Variants in CCDC192 observed in about 807,000 individuals in gnomAD.
CCDC192 encodes the protein coiled-coil domain containing 192.
At chr5:127,727,655 C>T (rs1487132254) in intron 2 of CCDC192, among the ~76,000 whole-genome samples, 2 of 152,142 alleles carry the variant, frequency 1.3e-5, no homozygotes, top group African/African-American at 4.8e-5. Flanking sequence ...ATCACAACAC[C>T]TCTCCAGCAA....
At chr5:127,804,871 G>A (rs913987139) in intron 5 of CCDC192, among the ~76,000 whole-genome samples, 5 of 152,164 alleles carry the variant, frequency 3.3e-5, no homozygotes, top group African/African-American at 7.2e-5. Flanking sequence ...AGCACTTCCA[G>A]CATAGACCCT....
At chr5:127,804,850 G>T (rs1030050053) in intron 5 of CCDC192, among the ~76,000 whole-genome samples, 1 of 152,166 alleles carries the variant, frequency 6.6e-6, no homozygotes, top group Non-Finnish European at 1.5e-5. Context: ...GCACTGTCCA[G>T]TGAAGCCCCT....
At chr5:127,768,714 G>A (rs1421573195) in intron 3 of CCDC192, among the ~76,000 whole-genome samples, 1 of 152,158 alleles carries the variant, frequency 6.6e-6, no homozygotes, top group East Asian at 1.9e-4. Flanking sequence ...AAGCCAAAAC[G>A]TATTAATAAA....
intron 6 of CCDC192, among the ~76,000 whole-genome samples, chr5:127,912,463 T>G (rs1396328881): frequency 1.3e-5 from 2 of 149,170 alleles, no homozygotes; most frequent in Non-Finnish European, 3.0e-5. Flanking sequence ...TTACACTTCT[T>G]TTTTTAACTG....
intron 2 of CCDC192, among the ~76,000 whole-genome samples, chr5:127,712,540 A>G (rs1337376793): frequency 6.6e-6 from 1 of 152,204 alleles, no homozygotes; most frequent in Non-Finnish European, 1.5e-5. Flanking sequence ...TGCTGACACC[A>G]TGCTTCTTGT....
In CCDC192 at chr5:127,878,123, G is replaced by A. The variant is rs1752155115; in HGVS notation, c.535+2462G>A. Reference sequence around the variant, plus strand: ...TCTGCATTGAGACTTGATTCTCTCAGGCTAGACTTCAGAAGAGAATGGAAA... The same window carrying A: ...TCTGCATTGAGACTTGATTCTCTCAAGCTAGACTTCAGAAGAGAATGGAAA... On this transcript the variant is annotated intron_variant, in intron 6 of 6. Transcript: ENST00000514853. Among the ~76,000 whole-genome samples the A allele has an allele frequency of 3.3e-5, 5 of 152,186 alleles. No homozygotes were observed. The South Asian group carries it at 1.0e-3, about 32-fold the overall frequency.
chr5:127,798,375 T>C (rs781404151), intron 5 of CCDC192, among the ~76,000 whole-genome samples: 8 of 152,164 alleles, frequency 5.3e-5, no homozygotes, highest in Non-Finnish European at 1.0e-4. Flanking sequence ...TGAGCTCTTA[T>C]ATATAATCAG....
intron 5 of CCDC192, among the ~76,000 whole-genome samples, chr5:127,818,663 A>T (rs1421744): frequency 0.02 from 3,064 of 152,224 alleles, 105 homozygotes; most frequent in African/African-American, 0.071. Context: ...CCAAGAAGCC[A>T]TCAGGTATGC....
chr5:127,719,842 G>C (rs1751915004), intron 2 of CCDC192, among the ~76,000 whole-genome samples: 1 of 146,812 alleles, frequency 6.8e-6, no homozygotes, highest in African/African-American at 2.5e-5. Context: ...GGCGGGGGAG[G>C]TGACACATGC....
chr5:127,766,532 T>G (rs1755232769), intron 3 of CCDC192, among the ~76,000 whole-genome samples: 1 of 151,684 alleles, frequency 6.6e-6, no homozygotes, highest in Non-Finnish European at 1.5e-5. Flanking sequence ...TATTCTATTC[T>G]TGTCCTACCC....
intron 6 of CCDC192, among the ~76,000 whole-genome samples, chr5:127,926,693 C>CTTAT (rs1252591519): frequency 6.6e-6 from 1 of 152,076 alleles, no homozygotes; most frequent in Non-Finnish European, 1.5e-5. Context: ...ATCTGAGGTG[C>CTTAT]TTATAAGATA....
At chr5:127,709,345 G>A (rs1215597221) in intron 2 of CCDC192, among the ~76,000 whole-genome samples, 2 of 152,080 alleles carry the variant, frequency 1.3e-5, no homozygotes, top group South Asian at 2.1e-4. Flanking sequence ...TAAACCATTC[G>A]TGAGAAACTG....
intron 6 of CCDC192, among the ~76,000 whole-genome samples, chr5:127,908,911 T>C (rs1193957476): frequency 1.3e-5 from 2 of 152,162 alleles, no homozygotes; most frequent in Non-Finnish European, 2.9e-5. Context: ...AAATCATATC[T>C]TCATAGGTTG....
chr5:127,728,936 T>C (rs1303286793), intron 2 of CCDC192, among the ~76,000 whole-genome samples: 1 of 152,116 alleles, frequency 6.6e-6, no homozygotes, highest in Non-Finnish European at 1.5e-5. Flanking sequence ...AGACAGAGTC[T>C]GGCTCTGTCA....
At chr5:127,843,693 C>T (rs1750399944) in intron 5 of CCDC192, among the ~76,000 whole-genome samples, 1 of 152,148 alleles carries the variant, frequency 6.6e-6, no homozygotes, top group Non-Finnish European at 1.5e-5. Flanking sequence ...CTGCCTGGCC[C>T]TCCCAAAGTG....
intron 4 of CCDC192, among the ~76,000 whole-genome samples, chr5:127,797,557 G>A (rs929420227): frequency 7.9e-5 from 12 of 151,516 alleles, no homozygotes; most frequent in Non-Finnish European, 1.5e-4. Context: ...TCTTTCTGTG[G>A]AGTAAAACGA....
intron 5 of CCDC192, among the ~76,000 whole-genome samples, chr5:127,810,229 G>A (rs540254577): frequency 1.3e-5 from 2 of 152,274 alleles, no homozygotes; most frequent in African/African-American, 4.8e-5. Context: ...ACTTGCTGGT[G>A]GGCAGACTCT....
intron 5 of CCDC192, among the ~76,000 whole-genome samples, chr5:127,842,590 G>A (rs1376879311): frequency 6.6e-6 from 1 of 152,168 alleles, no homozygotes; most frequent in African/African-American, 2.4e-5. Flanking sequence ...AAGCGATGTA[G>A]CCAGTCCTAC....
intron 6 of CCDC192, among the ~76,000 whole-genome samples, chr5:127,891,206 C>T (rs1489897894): frequency 6.9e-6 from 1 of 145,720 alleles, no homozygotes; most frequent in Non-Finnish European, 1.5e-5. Flanking sequence ...GTGCCTGCCA[C>T]CGCTCCTGGC....
Sources: gnomAD v4.1 joint callset for allele counts (sites outside exome capture counted in the v4.1 genomes callset) on GRCh38, gnomAD v4.1.1 for gene constraint, MANE v1.5 for transcripts, NCBI Gene and HGNC (gene_info 2026-07-23, HGNC 2026-07-21) for gene names.